The following GALNT15 variants were observed in gnomAD, a reference collection of about 807,000 sequenced individuals.
GALNT15 encodes the protein UDP-GalNAc transferase T15.
A neutral mutation model predicts 66.8 loss-of-function variants in GALNT15; 67 were observed. That is an observed-to-expected ratio of 1.00 (90% CI 0.82 to 1.23). The LOEUF is 1.23. Ranked by LOEUF, GALNT15 falls within the 50% of genes most tolerant of loss-of-function variation. The pLI is 0.00. For synonymous variants in GALNT15, 313 were observed against 311.5 expected, an observed-to-expected ratio of 1.00 and a Z score of -0.05; for missense variants, 827 against 804.3, an observed-to-expected ratio of 1.03 and a Z score of -0.34.
rs2063544764 is a variant in GALNT15 at position 16,188,800 on chromosome 3, A to C, written c.540-6960A>C. Among the ~76,000 whole-genome samples, 1 of 151,878 alleles carries C rather than the reference A, an allele frequency of 6.6e-6. No homozygotes were observed. Among genetic ancestry groups the C allele is most frequent in the Admixed American group, 6.6e-5 (1 of 15,262 alleles). Reference sequence around the variant, plus strand: ...TAAGGTTGGGTGGGAGCGGGGGAGGAAGAGTGGATAGATTGCAAAGCAGAT... The same window carrying C: ...TAAGGTTGGGTGGGAGCGGGGGAGGCAGAGTGGATAGATTGCAAAGCAGAT... On this transcript the variant is annotated intron_variant, in intron 1 of 9. Transcript: ENST00000339732. This position sits in a 1 kb window ranked among gnomAD's most constrained non-coding sequence, Gnocchi z 4.6.
downstream of GALNT15, among the ~76,000 whole-genome samples, chr3:16,236,440 A>C (rs187314526): frequency 2.9e-4 from 44 of 152,368 alleles, no homozygotes; most frequent in East Asian, 8.3e-3. Context: ...GCTGTATTCC[A>C]ATAAAACTTT....
rs1372982841 is a variant in GALNT15, at chr3:16,175,296, A to G, written c.145A>G (p.Ser49Gly). ...TLHQTVTAQA[S>G]KHSPEARYRL... is the part of the protein sequence containing the mutation. ...GCACCAGACTGTCACAGCCCAAGCC[A>G]GCAAGCACAGCCCTGAAGCCAGGTA... Residue 49 changes from serine (S) to glycine (G), a missense_variant, in exon 1 of 10, where the codon AGC becomes GGC. Transcript: ENST00000339732. The surrounding 1 kb of genome is among the most constrained non-coding windows in gnomAD (Gnocchi z 5.6). 6.2e-7 allele frequency: 1 copy of G among 1,614,156 alleles called. No individual in the cohort carries two copies. The highest frequency in any genetic ancestry group is 1.7e-5 in the Admixed American group (1 of 60,034).
chr3:16,219,881 T>C lies in GALNT15; in HGVS notation c.1525-29T>C. Reference sequence around the variant, plus strand: ...GGTGTCTTTACAGTGGAATCTGGAATTCACTCCTGTGTGTGTGTCCACTTT... The same window carrying C: ...GGTGTCTTTACAGTGGAATCTGGAACTCACTCCTGTGTGTGTGTCCACTTT... On this transcript the variant is annotated intron_variant, in intron 7 of 9. Transcript: ENST00000339732. This position sits in a 1 kb window ranked among gnomAD's most constrained non-coding sequence, Gnocchi z 4.3. The C allele has an allele frequency of 6.4e-7, 1 of 1,567,066 alleles. No individual in the cohort carries two copies. Among genetic ancestry groups the C allele is most frequent in the South Asian group, 1.1e-5 (1 of 89,878 alleles).
rs1310981959 is a variant in GALNT15 at position 16,199,628 on chromosome 3, G to A, written c.707-991G>A. Among the ~76,000 whole-genome samples the A allele has an allele frequency of 1.4e-5, 2 of 147,114 alleles. 1 individual carries two copies. The highest frequency in any genetic ancestry group is 3.0e-5 in the Non-Finnish European group (2 of 66,188). Reference sequence around the variant, plus strand: ...CTGTAGGGGAGTGAGTGATACAGAAGAGAGAGAGGGAAGAGCTGAACAAAT... The same window carrying A: ...CTGTAGGGGAGTGAGTGATACAGAAAAGAGAGAGGGAAGAGCTGAACAAAT... On this transcript the variant is annotated intron_variant, in intron 2 of 9. Transcript: ENST00000339732.
Position 16,187,888 on chromosome 3 carries a change from G to T in GALNT15, c.540-7872G>T, listed in dbSNP as rs906897960. ...TATTAATAAGACACCTGCATCACAG[G>T]TGCTACCCTATTCCTCCATTCTCCC... On this transcript the variant is annotated intron_variant, in intron 1 of 9. Transcript: ENST00000339732. The surrounding 1 kb of genome is among the most constrained non-coding windows in gnomAD (Gnocchi z 5.1). Among the ~76,000 whole-genome samples, 1 of 152,180 alleles carries T rather than the reference G, an allele frequency of 6.6e-6. No homozygotes were observed. The highest frequency in any genetic ancestry group is 1.5e-5 in the Non-Finnish European group (1 of 68,040).
downstream of GALNT15, among the ~76,000 whole-genome samples, chr3:16,236,131 A>AAAAAAAAAAAAAAT (rs869163721): frequency 1.4e-5 from 2 of 147,470 alleles, no homozygotes; most frequent in African/African-American, 2.5e-5. Flanking sequence ...AAAAAAAAAA[A>AAAAAAAAAAAAAAT]GGACTGGGCA....
intron 3 of GALNT15, among the ~76,000 whole-genome samples, chr3:16,206,004 GACAAA>G (rs2063752609): frequency 6.6e-6 from 1 of 152,116 alleles, no homozygotes; most frequent in Non-Finnish European, 1.5e-5. Flanking sequence ...CTTCCAGAAA[GACAAA>G]ACAAAAAGAG....
At chr3:16,196,679 G>A (rs1354423385) in intron 2 of GALNT15, among the ~76,000 whole-genome samples, 1 of 152,218 alleles carries the variant, frequency 6.6e-6, no homozygotes, top group Non-Finnish European at 1.5e-5. Flanking sequence ...TGGGGCCGAA[G>A]AATTTGCATT....
At chr3:16,243,110 G>A in the GALNT15 span, among the ~76,000 whole-genome samples, 1 of 152,176 alleles carries the variant, frequency 6.6e-6, no homozygotes, top group Admixed American at 6.5e-5. Context: ...CTTATTGGTT[G>A]AGGGTTACAC....
At position 16,212,612 on chromosome 3, in the gene GALNT15, G is replaced by A. The variant is rs761852083; in HGVS notation, c.1241G>A (p.Arg414Gln). 2.2e-5 allele frequency: 36 copies of A among 1,613,752 alleles called. No homozygotes were observed. The highest frequency in any genetic ancestry group is 3.3e-5 in the Admixed American group (2 of 59,984). Reference sequence around the variant, plus strand: ...TCTGTTGAAATCCTTCCCTGCTCTCGGGTAGGACACATCTACCAAAATCAG... The same window carrying A: ...TCTGTTGAAATCCTTCCCTGCTCTCAGGTAGGACACATCTACCAAAATCAG... Reference protein sequence around the residue: ...GGSVEILPCSRVGHIYQNQDS... With the variant: ...GGSVEILPCSQVGHIYQNQDS... Residue 414 changes from arginine to glutamine, a missense_variant, in exon 6 of 10, where the codon CGG (arginine) becomes CAG (glutamine). Physicochemically the swap from Arg to Gln is conservative, Grantham distance 43. Transcript: ENST00000339732.
downstream of GALNT15, among the ~76,000 whole-genome samples, chr3:16,232,195 A>T (rs1187173642): frequency 2.0e-5 from 3 of 151,904 alleles, no homozygotes; most frequent in Non-Finnish European, 2.9e-5. Flanking sequence ...CATCTGACCC[A>T]TGTTGGGCCA....
chr3:16,217,407 G>A (rs1482893386), intron 6 of GALNT15, among the ~76,000 whole-genome samples: 1 of 152,170 alleles, frequency 6.6e-6, no homozygotes, highest in Non-Finnish European at 1.5e-5. Flanking sequence ...ATTAATTCAT[G>A]CTTTGGAAAT....
rs2124840016 is a variant in GALNT15, at chr3:16,182,165, G to A, written c.539+6475G>A. Among the ~76,000 whole-genome samples the A allele has an allele frequency of 6.6e-6, 1 of 152,238 alleles. No individual in the cohort carries two copies. The highest frequency in any genetic ancestry group is 1.9e-4 in the East Asian group (1 of 5,184). On this transcript the variant is annotated intron_variant, in intron 1 of 9. Coordinates refer to ENST00000339732, the MANE Select transcript of GALNT15 (RefSeq NM_054110.5). The surrounding 1 kb of genome is among the most constrained non-coding windows in gnomAD (Gnocchi z 6.1). The stretch of plus-strand genomic sequence containing the variant: ...CACTCACAGTGTGGTCCTCAGACCT[G>A]CAGCCTCAGAAATGCAGACCCTTCA...
In GALNT15 at chr3:16,222,660, C is replaced by T. The variant is rs1344639815; in HGVS notation, c.1675C>T (p.Gln559Ter). 6.2e-7 allele frequency: 1 copy of T among 1,614,252 alleles called. No homozygotes were observed. The highest frequency in any genetic ancestry group is 1.1e-5 in the South Asian group (1 of 91,082). ...SRKEIHFGSP[Q>*]HLCFAVRQEQ... ...GAAGGAGATTCACTTTGGCAGCCCA[C>T]AGCACCTGTGCTTTGCTGTCAGGCA... The change falls in exon 9 of 10, where the codon CAG (glutamine) becomes TAG (stop). Residue 559 changes from glutamine (Q) to a stop codon, truncating the protein, a stop_gained. Coordinates refer to ENST00000339732, the MANE Select transcript of GALNT15 (RefSeq NM_054110.5). LOFTEE classifies it high-confidence loss of function.
At chr3:16,218,624 T>C (rs1334078539) in intron 6 of GALNT15, among the ~76,000 whole-genome samples, 2 of 152,086 alleles carry the variant, frequency 1.3e-5, no homozygotes, top group Non-Finnish European at 1.5e-5. Flanking sequence ...TAAATTTGCC[T>C]TGCCCCAACC....
chr3:16,214,938 T>C (rs2063856357), intron 6 of GALNT15, among the ~76,000 whole-genome samples: 1 of 152,246 alleles, frequency 6.6e-6, no homozygotes, highest in South Asian at 2.1e-4. Flanking sequence ...GGGTTTCTTT[T>C]GGCCAAACCA....
At position 16,229,207 on chromosome 3, in the gene GALNT15, T is replaced by TA; in HGVS notation, c.*1707_*1708insA. ...AATACCTATCATAACTACGTATTCATTGTCTACCTGCTAAGTCAAGGGTTC... is the reference window on the plus strand; with the variant it reads ...AATACCTATCATAACTACGTATTCATATGTCTACCTGCTAAGTCAAGGGTTC... On this transcript the variant is annotated 3_prime_UTR_variant, in exon 10 of 10. Transcript: ENST00000339732. 1.0e-6 allele frequency: 1 copy of TA among 985,424 alleles called. No homozygotes were observed. The highest frequency in any genetic ancestry group is 1.2e-6 in the Non-Finnish European group (1 of 829,904). 61.0% of individuals were successfully genotyped at this position (985,424 alleles called of 1,614,324 possible).
rs373039243 is a variant in GALNT15, at chr3:16,227,454, G to A, written c.1874G>A (p.Arg625His). 17 of 1,614,146 alleles carry A rather than the reference G, an allele frequency of 1.1e-5. No individual in the cohort carries two copies. In the East Asian group the frequency reaches 1.3e-4, roughly 13 times the overall value. The stretch of plus-strand genomic sequence containing the variant: ...CTGCGTCCGTGTGATGGAAAAGCCC[G>A]CCAGCAGTGGCGTTTTGACCAGATC... ...LYLRPCDGKA[R>H]QQWRFDQINA... Residue 625 changes from arginine (R) to histidine (H), a missense_variant, in exon 10 of 10, where the codon CGC becomes CAC. Physicochemically the swap from Arg to His is conservative, Grantham distance 29 (BLOSUM62 0). Coordinates refer to ENST00000339732, the MANE Select transcript of GALNT15 (RefSeq NM_054110.5). The surrounding 1 kb of genome is among the most constrained non-coding windows in gnomAD (Gnocchi z 4.5).
At chr3:16,212,457 A>T in intron 5 of GALNT15, 112 bp from the exon 6 acceptor site, 1 of 927,788 alleles carries the variant, frequency 1.1e-6, no homozygotes, top group African/African-American at 1.7e-5. Context: ...TTCACCATTG[A>T]GTGCTCACGA....
Sources: allele counts gnomAD v4.1 joint callset (sites outside exome capture counted in the v4.1 genomes callset), GRCh38; gene constraint gnomAD v4.1.1; non-coding constraint Gnocchi (gnomAD v3.1); transcripts MANE v1.5; gene names NCBI Gene and HGNC (gene_info 2026-07-23, HGNC 2026-07-21).